The following PAH variants were observed in gnomAD, a reference collection of about 807,000 sequenced individuals.
PAH encodes the protein phenylalanine-4-hydroxylase.
PAH carries 64 observed loss-of-function variants against 62.0 expected under a neutral mutation model. The observed-to-expected ratio is 1.03, with a 90% CI of 0.84 to 1.27. The LOEUF (loss-of-function observed/expected upper bound fraction) is 1.27. Among genes scored for constraint, PAH ranks in the 50% most tolerant of loss-of-function variants. PAH has a pLI of 0.00. For missense variants in PAH, 579 were observed against 542.8 expected (o/e 1.07, Z -0.66); for synonymous variants, 195 against 196.2 (o/e 0.99, Z 0.05).
At chr12:102,856,714 G>C (rs988009528) in intron 5 of PAH, among the ~76,000 whole-genome samples, 7 of 152,326 alleles carry the variant, frequency 4.6e-5, no homozygotes, top group African/African-American at 1.7e-4. Flanking sequence ...CTGACACCCA[G>C]GCAAACAGGG....
At chr12:102,931,982 G>A (rs141624011) in intron 1 of PAH, among the ~76,000 whole-genome samples, 9 of 152,302 alleles carry the variant, frequency 5.9e-5, no homozygotes, top group African/African-American at 2.2e-4. Flanking sequence ...TCTAGTGTCT[G>A]TTGAAAGAAT....
intron 1 of PAH, chr12:102,913,958 C>T: frequency 1.5e-6 from 1 of 670,154 alleles, no homozygotes; most frequent in South Asian, 1.6e-5. Flanking sequence ...ATTTGCAGAA[C>T]AATTACTCTC....
chr12:102,942,312 A>T (rs533269582), intron 1 of PAH, among the ~76,000 whole-genome samples: 1 of 152,156 alleles, frequency 6.6e-6, no homozygotes, highest in Admixed American at 6.5e-5. Flanking sequence ...ACACAATCAC[A>T]TTCACAATAG....
chr12:102,942,289 A>C (rs1346477546), intron 1 of PAH, among the ~76,000 whole-genome samples: 1 of 152,166 alleles, frequency 6.6e-6, no homozygotes, highest in Non-Finnish European at 1.5e-5. Context: ...CCAAGCTGGG[A>C]GTCAAATTAA....
intron 4 of PAH, among the ~76,000 whole-genome samples, chr12:102,868,372 T>C (rs1038855797): frequency 6.6e-6 from 1 of 151,722 alleles, no homozygotes; most frequent in Non-Finnish European, 1.5e-5. Context: ...TCCGGGAATA[T>C]ATTTTGAAAA....
At chr12:102,938,101 T>C (rs1293168175) in intron 1 of PAH, among the ~76,000 whole-genome samples, 1 of 152,156 alleles carries the variant, frequency 6.6e-6, no homozygotes, top group Non-Finnish European at 1.5e-5. Flanking sequence ...CAGGAAGCCA[T>C]GTTGGAATTC....
At chr12:102,853,234 G>T (rs1875260526) in intron 6 of PAH, 2 of 445,862 alleles carry the variant, frequency 4.5e-6, no homozygotes, top group Admixed American at 6.8e-5. Flanking sequence ...AAAGTACTTA[G>T]CACAGAGCCT....
chr12:102,918,963 T>A (rs529934236), upstream of PAH, among the ~76,000 whole-genome samples: 1 of 152,296 alleles, frequency 6.6e-6, no homozygotes, highest in African/African-American at 2.4e-5. Context: ...ATTACAGGCA[T>A]GCAATAAAGA....
chr12:102,945,568 C>T (rs77532023), intron 1 of PAH, among the ~76,000 whole-genome samples: 22,097 of 152,080 alleles, frequency 0.15, 2,152 homozygotes, highest in African/African-American at 0.25. Flanking sequence ...GGTCTCTCAC[C>T]CTGGCTACCA....
chr12:102,902,057 T>C (rs896785267), intron 2 of PAH, among the ~76,000 whole-genome samples: 1 of 152,214 alleles, frequency 6.6e-6, no homozygotes, highest in African/African-American at 2.4e-5. Context: ...TACACCATTG[T>C]GCATGGGGGT....
At chr12:102,856,713 A>G (rs1875451941) in intron 5 of PAH, among the ~76,000 whole-genome samples, 1 of 152,244 alleles carries the variant, frequency 6.6e-6, no homozygotes, top group Admixed American at 6.5e-5. Context: ...GCTGACACCC[A>G]GGCAAACAGG....
chr12:102,904,332 T>C (rs960547700), intron 2 of PAH, among the ~76,000 whole-genome samples: 1 of 152,164 alleles, frequency 6.6e-6, no homozygotes, highest in African/African-American at 2.4e-5. Flanking sequence ...CACTGATAGT[T>C]TGGAGTTCAT....
At chr12:102,846,111 A>G (rs547248393) in intron 9 of PAH, among the ~76,000 whole-genome samples, 177 of 152,314 alleles carry the variant, frequency 1.2e-3, no homozygotes, top group Non-Finnish European at 2.2e-3. Context: ...TGGGCAAGAT[A>G]TGAGCTATTG....
At chr12:102,845,312 T>A (rs1285501444) in intron 9 of PAH, among the ~76,000 whole-genome samples, 1 of 152,096 alleles carries the variant, frequency 6.6e-6, no homozygotes, top group Non-Finnish European at 1.5e-5. Flanking sequence ...AACTCCTCCA[T>A]CTCTTTTGTT....
intron 8 of PAH, chr12:102,847,241 A>C: frequency 4.4e-6 from 2 of 449,894 alleles, no homozygotes; most frequent in Non-Finnish European, 8.2e-6. Flanking sequence ...GTCGGTTAGT[A>C]TCTAAAGCTT....
chr12:102,912,860 A>G lies in PAH; in HGVS notation c.99T>C (p.Gly33=). 5.0e-6 allele frequency: 8 copies of G among 1,613,728 alleles called. No individual in the cohort carries two copies. The highest frequency in any genetic ancestry group is 6.8e-6 in the Non-Finnish European group (8 of 1,179,648). The change falls in exon 2 of 13, where the codon GGT becomes GGC. Residue 33 remains glycine, a synonymous_variant. Coordinates refer to ENST00000553106, the MANE Select transcript of PAH (RefSeq NM_000277.3). ...SYIEDNCNQN[G]AISLIFSLKE... is the part of the protein sequence containing the mutation. ...TGAGTGAGAAGATCAGTGATATGGCACCATTTTGATTGCAGTTGTCTTCAA... is the reference window on the plus strand; with the variant it reads ...TGAGTGAGAAGATCAGTGATATGGCGCCATTTTGATTGCAGTTGTCTTCAA...
At chr12:102,859,546 C>T (rs1212371415) in intron 5 of PAH, among the ~76,000 whole-genome samples, 1 of 152,206 alleles carries the variant, frequency 6.6e-6, no homozygotes, top group Non-Finnish European at 1.5e-5. Context: ...ACCAATATCC[C>T]TGATGAACAT....
At chr12:102,889,205 G>T (rs76136639) in intron 3 of PAH, among the ~76,000 whole-genome samples, 3,044 of 152,250 alleles carry the variant, frequency 0.02, 102 homozygotes, top group African/African-American at 0.067. Context: ...GGGCTTTTCA[G>T]AGCCCTCTAA....
intron 5 of PAH, among the ~76,000 whole-genome samples, chr12:102,862,604 A>G (rs1246549828): frequency 6.6e-6 from 1 of 152,222 alleles, no homozygotes; most frequent in African/African-American, 2.4e-5. Context: ...CCACCTGGGA[A>G]TGAACTGTGT....
Sources: allele counts gnomAD v4.1 joint callset (sites outside exome capture counted in the v4.1 genomes callset), GRCh38; gene constraint gnomAD v4.1.1; transcripts MANE v1.5; gene names NCBI Gene and HGNC (gene_info 2026-07-23, HGNC 2026-07-21).